Variants in MED13L observed in about 807,000 individuals in gnomAD.
MED13L encodes the protein mediator of RNA polymerase II transcription subunit 13-like.
Under a neutral mutation model 220.9 loss-of-function variants are expected in MED13L, and 7 were observed. That is an observed-to-expected ratio of 0.03 (90% CI 0.02 to 0.06). MED13L has a LOEUF of 0.06. MED13L is among the 10% of genes least tolerant of loss of function. The pLI is 1.00. For missense variants in MED13L, 1,965 were observed against 2,760.5 expected, an observed-to-expected ratio of 0.71 and a Z score of 6.46; for synonymous variants, 1,011 against 1,015.2, an observed-to-expected ratio of 1.00 and a Z score of 0.08.
At position 115,960,171 on chromosome 12, in the gene MED13L, T is replaced by C. The variant is rs1875671137; in HGVS notation, c.*1095A>G. The C allele has an allele frequency of 6.6e-6, 1 of 152,670 alleles. No individual in the cohort carries two copies. The highest frequency in any genetic ancestry group is 2.1e-4 in the South Asian group (1 of 4,836). 9.5% of individuals were successfully genotyped at this position (152,670 alleles called of 1,614,324 possible). ...TAATATTTCTTTGAAATAATATTCC[T>C]ATGGTCCAGAAAAAATTCACCATAT... On this transcript the variant is annotated 3_prime_UTR_variant, in exon 31 of 31. Coordinates refer to ENST00000281928, the MANE Select transcript of MED13L (RefSeq NM_015335.5).
intron 4 of MED13L, among the ~76,000 whole-genome samples, chr12:116,027,971 G>A (rs967947824): frequency 6.6e-6 from 1 of 152,114 alleles, no homozygotes; most frequent in Non-Finnish European, 1.5e-5. Context: ...ATCTAGAAAT[G>A]TGCCTGCAAG....
intron 3 of MED13L, among the ~76,000 whole-genome samples, chr12:116,102,437 T>A (rs1241837751): frequency 6.6e-6 from 1 of 152,140 alleles, no homozygotes; most frequent in Non-Finnish European, 1.5e-5. Context: ...CCTACCATAA[T>A]CTCAACAAAA....
At chr12:116,126,412 G>C (rs1281103188) in intron 2 of MED13L, among the ~76,000 whole-genome samples, 1 of 152,118 alleles carries the variant, frequency 6.6e-6, no homozygotes, top group Non-Finnish European at 1.5e-5. Context: ...CATAACACAA[G>C]GTGCAGTGGT....
intron 4 of MED13L, among the ~76,000 whole-genome samples, chr12:116,067,129 AAGAT>A (rs1341349822): frequency 2.0e-5 from 3 of 152,306 alleles, no homozygotes; most frequent in African/African-American, 4.8e-5. Flanking sequence ...AAAAAGCTAT[AAGAT>A]AGAGAATTAT....
At chr12:116,267,396 A>G (rs1872912809) in intron 1 of MED13L, among the ~76,000 whole-genome samples, 1 of 152,230 alleles carries the variant, frequency 6.6e-6, no homozygotes, top group African/African-American at 2.4e-5. Context: ...GCTATACTTA[A>G]AACAAGTCAT....
intron 2 of MED13L, among the ~76,000 whole-genome samples, chr12:116,225,016 T>C (rs150834199): frequency 6.6e-6 from 1 of 152,274 alleles, no homozygotes; most frequent in East Asian, 1.9e-4. Flanking sequence ...TGTATAAAGC[T>C]TGAAGGGTGC....
At chr12:116,113,886 G>A (rs1011643593) in intron 2 of MED13L, among the ~76,000 whole-genome samples, 3 of 150,598 alleles carry the variant, frequency 2.0e-5, no homozygotes, top group African/African-American at 4.9e-5. Flanking sequence ...GGGGGAGATC[G>A]ATCAAGAAGG....
At chr12:116,148,201 GA>G (rs948687566) in intron 2 of MED13L, among the ~76,000 whole-genome samples, 10 of 151,572 alleles carry the variant, frequency 6.6e-5, no homozygotes, top group African/African-American at 2.4e-4. Flanking sequence ...ATTTAGTTCT[GA>G]AGATTAATAA....
At position 116,198,495 on chromosome 12, in the gene MED13L, T is replaced by C. The variant is rs140239209; in HGVS notation, c.310+38973A>G. On this transcript the variant is annotated intron_variant, in intron 2 of 30. Coordinates refer to ENST00000281928, the MANE Select transcript of MED13L (RefSeq NM_015335.5). Reference sequence around the variant, plus strand: ...TTTCATCAATCCCAAACTGAATAAATTGCTGTCTCTTCTCTGACCCCCTAC... The same window carrying C: ...TTTCATCAATCCCAAACTGAATAAACTGCTGTCTCTTCTCTGACCCCCTAC... Among the ~76,000 whole-genome samples the C allele has an allele frequency of 3.9e-5, 6 of 152,238 alleles. No individual in the cohort carries two copies. The East Asian group carries it at 5.8e-4, about 15-fold the overall frequency.
chr12:115,981,160 T>C (rs1291004700), intron 22 of MED13L, among the ~76,000 whole-genome samples: 2 of 152,172 alleles, frequency 1.3e-5, no homozygotes, highest in African/African-American at 2.4e-5. Context: ...TCAAAAGATG[T>C]ACGATTATGT....
At chr12:116,109,727 T>C (rs1873915295) in intron 3 of MED13L, among the ~76,000 whole-genome samples, 1 of 152,176 alleles carries the variant, frequency 6.6e-6, no homozygotes, top group Non-Finnish European at 1.5e-5. Context: ...CGTTTTACAG[T>C]GGGAGACAGA....
At chr12:116,218,068 A>T (rs1399195325) in intron 2 of MED13L, among the ~76,000 whole-genome samples, 1 of 152,160 alleles carries the variant, frequency 6.6e-6, no homozygotes, top group Non-Finnish European at 1.5e-5. Flanking sequence ...AGTATAAGAG[A>T]TTCGATAACA....
Position 115,986,275 on chromosome 12 carries a change from A to G in MED13L, c.4329T>C (p.Ala1443=). ...GAKTFFRDLS[A]VYEMCRLGQH... ...ACAGTAACTTCCTCACCTCGTATAC[A>G]GCACTCAAGTCCCTGAAGAAAGTTT... The change falls in exon 19 of 31, where the codon GCT becomes GCC. Residue 1443 remains alanine (A), a synonymous_variant. Coordinates refer to ENST00000281928, the MANE Select transcript of MED13L (RefSeq NM_015335.5). The G allele has an allele frequency of 1.2e-6, 2 of 1,614,058 alleles. No individual in the cohort carries two copies. The highest frequency in any genetic ancestry group is 1.7e-6 in the Non-Finnish European group (2 of 1,179,896).
chr12:116,125,218 C>G (rs768183746), intron 2 of MED13L, among the ~76,000 whole-genome samples: 2 of 152,288 alleles, frequency 1.3e-5, no homozygotes, highest in South Asian at 4.1e-4. Flanking sequence ...AGCCCATAAT[C>G]CCAGCTATTC....
Position 116,062,076 on chromosome 12 carries a change from T to G in MED13L, c.479+34593A>C, listed in dbSNP as rs929023021. 2.6e-5 allele frequency among the ~76,000 whole-genome samples: 4 copies of G among 151,722 alleles called. No homozygotes were observed. In the East Asian group the frequency reaches 7.8e-4, roughly 29 times the overall value. On this transcript the variant is annotated intron_variant, in intron 4 of 30. Transcript: ENST00000281928. ...CAAATTATGAACTATTACAGTCACA[T>G]GCTAACATTAATACCTTGAATCAAT...
intron 4 of MED13L, among the ~76,000 whole-genome samples, chr12:116,030,331 T>C (rs1005249450): frequency 6.6e-6 from 1 of 152,152 alleles, no homozygotes; most frequent in Admixed American, 6.5e-5. Flanking sequence ...AACTTAAACG[T>C]GTAGTTCCTA....
intron 16 of MED13L, among the ~76,000 whole-genome samples, chr12:115,994,216 C>T (rs1282968958): frequency 1.3e-5 from 2 of 152,070 alleles, no homozygotes; most frequent in Admixed American, 1.3e-4. Context: ...GAGGCCGAGG[C>T]AGGAGAAACA....
intron 4 of MED13L, among the ~76,000 whole-genome samples, chr12:116,074,349 C>CT (rs1396133710): frequency 1.3e-4 from 20 of 152,302 alleles, no homozygotes; most frequent in African/African-American, 4.8e-4. Flanking sequence ...AAGCCAAGAT[C>CT]TTGCCACTGC....
At chr12:116,040,698 GATAA>G (rs1431212512) in intron 4 of MED13L, among the ~76,000 whole-genome samples, 2 of 150,646 alleles carry the variant, frequency 1.3e-5, no homozygotes, top group Non-Finnish European at 2.9e-5. Context: ...TTCTACAATG[GATAA>G]ATAAATTAGG....
Sources: allele counts gnomAD v4.1 joint callset (sites outside exome capture counted in the v4.1 genomes callset), GRCh38; gene constraint gnomAD v4.1.1; transcripts MANE v1.5; gene names NCBI Gene and HGNC (gene_info 2026-07-23, HGNC 2026-07-21).